The following PDZRN3 variants were observed in gnomAD, a reference collection of about 807,000 sequenced individuals.
The protein encoded by PDZRN3 is E3 ubiquitin-protein ligase PDZRN3.
PDZRN3 carries 38 observed loss-of-function variants against 85.7 expected under a neutral mutation model. That is an observed-to-expected ratio of 0.44 (90% CI 0.34 to 0.58). The LOEUF is 0.58. PDZRN3 is among the 20% of genes least tolerant of loss of function. The probability of loss-of-function intolerance (pLI) is 0.01; values close to 1 mark genes in which losing one functional copy is unlikely to be tolerated. For synonymous variants in PDZRN3, 759 were observed against 638.0 expected (o/e 1.19, Z -2.86); for missense variants, 1,629 against 1,506.4 (o/e 1.08, Z -1.35).
rs926070876 is a variant in PDZRN3, at chr3:73,624,300, G to A, written c.526C>T (p.Arg176Cys). Residue 176 changes from arginine to cysteine, a missense_variant, in exon 1 of 10, where the codon CGC becomes TGC. Physicochemically the swap from Arg to Cys is radical, Grantham distance 180 (BLOSUM62 -3). Coordinates refer to ENST00000263666, the MANE Select transcript of PDZRN3 (RefSeq NM_015009.3). ...LRAHNGALQA[R>C]LGALHKALKK... ...AGCGCCTTGTGCAGCGCGCCCAGGC[G>A]GGCCTGGAGCGCGCCGTTGTGCGCC... is the stretch of plus-strand genomic sequence containing the variant. The A allele has an allele frequency of 3.8e-6, 5 of 1,326,118 alleles. No homozygotes were observed. The highest frequency in any genetic ancestry group is 2.1e-5 in the South Asian group (1 of 48,548). The allele number at this position is 1,326,118 out of a possible 1,614,324, so 82.1% of individuals were successfully genotyped here.
At chr3:73,469,715 T>C (rs147705432) in intron 3 of PDZRN3, among the ~76,000 whole-genome samples, 5,113 of 152,322 alleles carry the variant, frequency 0.034, 127 homozygotes, top group Non-Finnish European at 0.051. Flanking sequence ...GGTTTTTTTT[T>C]CATAACATTA....
intron 3 of PDZRN3, among the ~76,000 whole-genome samples, chr3:73,456,183 A>AATGTGTGT (rs1702972303): frequency 1.3e-5 from 1 of 77,294 alleles, no homozygotes; most frequent in Admixed American, 1.6e-4. Flanking sequence ...AGAGAAGAAA[A>AATGTGTGT]ATGTGTGTGT....
chr3:73,448,660 G>T (rs913559812), intron 3 of PDZRN3, among the ~76,000 whole-genome samples: 3 of 152,132 alleles, frequency 2.0e-5, no homozygotes, highest in Non-Finnish European at 4.4e-5. Context: ...AGCTTCACAA[G>T]TGAGCAATAT....
At chr3:73,411,687 A>T (rs1033828167) in intron 3 of PDZRN3, among the ~76,000 whole-genome samples, 5 of 151,378 alleles carry the variant, frequency 3.3e-5, no homozygotes, top group African/African-American at 1.2e-4. Context: ...TGGGTGACTC[A>T]GCTCCCTCTA....
chr3:73,397,100 C>G (rs1701654654), intron 5 of PDZRN3, among the ~76,000 whole-genome samples: 1 of 150,226 alleles, frequency 6.7e-6, no homozygotes, highest in African/African-American at 2.4e-5. Context: ...GTGGCACAAT[C>G]TTGGCTCAAT....
At chr3:73,446,331 C>A (rs1417434517) in intron 3 of PDZRN3, among the ~76,000 whole-genome samples, 1 of 152,138 alleles carries the variant, frequency 6.6e-6, no homozygotes, top group Non-Finnish European at 1.5e-5. Flanking sequence ...CCAAGCCATG[C>A]CACGATCCCA....
intron 3 of PDZRN3, among the ~76,000 whole-genome samples, chr3:73,578,030 T>C (rs58791466): frequency 0.4 from 60,332 of 152,128 alleles, 12,349 homozygotes; most frequent in South Asian, 0.45. Context: ...TTACAGAAGT[T>C]TGCCGATCTC....
At position 73,427,435 on chromosome 3, in the gene PDZRN3, C is replaced by CCA. The variant is rs1222134661; in HGVS notation, c.919-23041_919-23040insTG. On this transcript the variant is annotated intron_variant, in intron 3 of 9. Transcript: ENST00000263666. ...ACGGTATTCTTTTGTGCATTACCCA[C>CCA]CCCCCCACCACCGCCCACATTTAAC... Among the ~76,000 whole-genome samples, 113 of 151,902 alleles carry CCA rather than the reference C, an allele frequency of 7.4e-4. 1 individual carries two copies. Among genetic ancestry groups the CCA allele is most frequent in the Middle Eastern group, 3.4e-3 (1 of 294 alleles).
chr3:73,412,011 T>C (rs1463520018), intron 3 of PDZRN3, among the ~76,000 whole-genome samples: 2 of 152,212 alleles, frequency 1.3e-5, no homozygotes, highest in Non-Finnish European at 2.9e-5. Context: ...CATCTGCGCA[T>C]CTGCAGACAT....
chr3:73,528,705 C>T (rs1437155984), intron 3 of PDZRN3, among the ~76,000 whole-genome samples: 1 of 151,948 alleles, frequency 6.6e-6, no homozygotes, highest in Non-Finnish European at 1.5e-5. Flanking sequence ...ACAAAACGAA[C>T]CATTTTTAAA....
rs749472556 is a variant in PDZRN3 at position 73,383,589 on chromosome 3, C to T, written c.2977G>A (p.Glu993Lys). Residue 993 changes from glutamate to lysine, a missense_variant, in exon 10 of 10, where the codon GAG becomes AAG. Physicochemically the swap from Glu to Lys is moderately conservative, Grantham distance 56. Transcript: ENST00000263666. ...VKAKEQRRRR[E>K]FMMQSRLDCL... ...TCCAACCTGCTCTGCATCATGAACT[C>T]GCGCCGCCGCCGCTGCTCCTTGGCC... The T allele has an allele frequency of 2.5e-6, 4 of 1,613,982 alleles. No homozygotes were observed. Among genetic ancestry groups the T allele is most frequent in the African/African-American group, 1.3e-5 (1 of 74,922 alleles).
At chr3:73,420,241 T>G (rs867659116) in intron 3 of PDZRN3, among the ~76,000 whole-genome samples, 2 of 152,230 alleles carry the variant, frequency 1.3e-5, no homozygotes, top group Middle Eastern at 3.2e-3. Flanking sequence ...CCATCGTAAC[T>G]GGGTCCCATC....
chr3:73,445,927 G>C (rs1269276823), intron 3 of PDZRN3, among the ~76,000 whole-genome samples: 4 of 152,138 alleles, frequency 2.6e-5, no homozygotes, highest in African/African-American at 9.7e-5. Flanking sequence ...GATATTAGTG[G>C]GCTTGCTGAA....
intron 3 of PDZRN3, among the ~76,000 whole-genome samples, chr3:73,407,762 G>A (rs1481333739): frequency 2.6e-5 from 4 of 152,166 alleles, no homozygotes; most frequent in Non-Finnish European, 5.9e-5. Context: ...TGAAGGACCC[G>A]CTTGGATCAG....
chr3:73,513,775 TG>T, intron 3 of PDZRN3, among the ~76,000 whole-genome samples: 1 of 152,342 alleles, frequency 6.6e-6, no homozygotes, highest in South Asian at 2.1e-4. Flanking sequence ...CACAGTTGAA[TG>T]GTAATTGGTA....
chr3:73,554,353 G>GACACAC lies in PDZRN3; in HGVS notation c.918+47995_918+48000dup, dbSNP rs35130068. 1.6e-3 allele frequency among the ~76,000 whole-genome samples: 240 copies of GACACAC among 147,656 alleles called. 1 individual carries two copies. The highest frequency in any genetic ancestry group is 5.6e-3 in the African/African-American group (224 of 39,996). ...ATATCTCACAGGATTGTTGAGAGAAGACACACACACACACACACACACACA... is the reference window on the plus strand; with the variant it reads ...ATATCTCACAGGATTGTTGAGAGAAGACACACACACACACACACACACACACACACA... On this transcript the variant is annotated intron_variant, in intron 3 of 9. Coordinates refer to ENST00000263666, the MANE Select transcript of PDZRN3 (RefSeq NM_015009.3).
At chr3:73,440,759 G>A (rs1304317239) in intron 3 of PDZRN3, among the ~76,000 whole-genome samples, 1 of 152,216 alleles carries the variant, frequency 6.6e-6, no homozygotes, top group Non-Finnish European at 1.5e-5. Flanking sequence ...TCGGGGATGG[G>A]ACAGGGAAGT....
chr3:73,445,621 T>C (rs1702731102), intron 3 of PDZRN3, among the ~76,000 whole-genome samples: 1 of 152,260 alleles, frequency 6.6e-6, no homozygotes, highest in Non-Finnish European at 1.5e-5. Context: ...TTATGACCAA[T>C]GGTTTAAGAG....
chr3:73,499,799 G>A (rs1703941466), intron 3 of PDZRN3, among the ~76,000 whole-genome samples: 1 of 152,066 alleles, frequency 6.6e-6, no homozygotes, highest in Non-Finnish European at 1.5e-5. Context: ...TTCTTGGCAA[G>A]TTACATAATC....
Sources: allele counts gnomAD v4.1 joint callset (sites outside exome capture counted in the v4.1 genomes callset), GRCh38; gene constraint gnomAD v4.1.1; transcripts MANE v1.5; gene names NCBI Gene and HGNC (gene_info 2026-07-23, HGNC 2026-07-21).